NEGR1: variants seen among roughly 807,000 people sequenced by gnomAD.
The protein encoded by NEGR1 is IgLON family member 4.
Under a neutral mutation model 40.9 loss-of-function variants are expected in NEGR1, and 10 were observed. The observed-to-expected ratio is 0.24, with a 90% CI of 0.15 to 0.42. The LOEUF (loss-of-function observed/expected upper bound fraction) is 0.42. NEGR1 is among the 10% of genes least tolerant of loss of function. The pLI, the probability that NEGR1 is intolerant of heterozygous loss-of-function variation, is 1.00. For missense variants in NEGR1, 352 were observed against 438.9 expected, an observed-to-expected ratio of 0.80 and a Z score of 1.77; for synonymous variants, 185 against 166.8, an observed-to-expected ratio of 1.11 and a Z score of -0.84.
chr1:72,024,157 G>A (rs1646786304), intron 1 of NEGR1, among the ~76,000 whole-genome samples: 2 of 151,968 alleles, frequency 1.3e-5, no homozygotes, highest in Non-Finnish European at 2.9e-5. Flanking sequence ...CTCACACATA[G>A]CCAGCTGGCT....
intron 2 of NEGR1, among the ~76,000 whole-genome samples, chr1:71,863,183 G>C (rs752858352): frequency 6.6e-6 from 1 of 152,078 alleles, no homozygotes; most frequent in African/African-American, 2.4e-5. Flanking sequence ...CAACAGCAAA[G>C]ACATGGAATC....
intron 1 of NEGR1, among the ~76,000 whole-genome samples, chr1:72,087,450 A>G (rs933609922): frequency 6.6e-6 from 1 of 151,198 alleles, no homozygotes; most frequent in South Asian, 2.1e-4. Flanking sequence ...ATATATATAT[A>G]TATATTATTA....
intron 1 of NEGR1, chr1:72,274,701 C>A: frequency 1.0e-6 from 1 of 1,000,624 alleles, no homozygotes; most frequent in Non-Finnish European, 1.6e-6. Context: ...TTGAAGAAAT[C>A]ATTGTGCAGA....
chr1:72,038,582 C>A (rs145718960), intron 1 of NEGR1, among the ~76,000 whole-genome samples: 47 of 152,078 alleles, frequency 3.1e-4, no homozygotes, highest in African/African-American at 1.1e-3. Flanking sequence ...GTTCTAAAAA[C>A]ATCAGCGTAC....
chr1:71,738,889 G>GA (rs943722365), intron 3 of NEGR1, among the ~76,000 whole-genome samples: 14 of 151,868 alleles, frequency 9.2e-5, no homozygotes, highest in East Asian at 1.9e-4. Context: ...TAAAGAAAGA[G>GA]AAAAAAAATT....
At chr1:71,876,518 A>G (rs1242113945) in intron 2 of NEGR1, among the ~76,000 whole-genome samples, 1 of 151,552 alleles carries the variant, frequency 6.6e-6, no homozygotes, top group African/African-American at 2.4e-5. Context: ...AAAGAAAGGA[A>G]GAAAGAAGAG....
intron 1 of NEGR1, among the ~76,000 whole-genome samples, chr1:72,199,283 T>C (rs1050543699): frequency 6.6e-6 from 1 of 151,916 alleles, no homozygotes; most frequent in Admixed American, 6.6e-5. Context: ...GCCATGCACA[T>C]TGCTGTGCCA....
chr1:71,912,658 A>G (rs1661449398), intron 2 of NEGR1, among the ~76,000 whole-genome samples: 1 of 152,152 alleles, frequency 6.6e-6, no homozygotes, highest in Non-Finnish European at 1.5e-5. Context: ...AGTCCCTTTT[A>G]TTGCAGATCA....
chr1:71,603,709 C>G (rs1371587327), intron 5 of NEGR1, among the ~76,000 whole-genome samples: 1 of 151,990 alleles, frequency 6.6e-6, no homozygotes, highest in Non-Finnish European at 1.5e-5. Flanking sequence ...AAATAAATGA[C>G]TAGTTGGAGT....
At chr1:72,038,985 A>C (rs1646928954) in intron 1 of NEGR1, among the ~76,000 whole-genome samples, 1 of 151,964 alleles carries the variant, frequency 6.6e-6, no homozygotes, top group African/African-American at 2.4e-5. Flanking sequence ...GAAAAAGAAA[A>C]TTTCGCAGAA....
chr1:71,445,634 G>T (rs1048631985), intron 6 of NEGR1, among the ~76,000 whole-genome samples: 6 of 152,136 alleles, frequency 3.9e-5, no homozygotes, highest in Admixed American at 2.6e-4. Context: ...GCAGACACCT[G>T]AGAGGAAATC....
At chr1:71,869,619 C>A (rs1660219493) in intron 2 of NEGR1, among the ~76,000 whole-genome samples, 2 of 151,956 alleles carry the variant, frequency 1.3e-5, no homozygotes, top group East Asian at 3.9e-4. Context: ...GAAAAAGTAG[C>A]TAAACAGAGT....
At chr1:72,109,515 T>C (rs1390082053) in intron 1 of NEGR1, among the ~76,000 whole-genome samples, 1 of 151,724 alleles carries the variant, frequency 6.6e-6, no homozygotes, top group Admixed American at 6.6e-5. Flanking sequence ...TTCTATGGTA[T>C]CTTTTGAGAC....
chr1:72,122,987 G>T lies in NEGR1; in HGVS notation c.176+159332C>A, dbSNP rs567401573. ...AAATAATGGGATATATTGAGAACAT[G>T]TAACATTCCTGGAATACCCTTTTAA... On this transcript the variant is annotated intron_variant, in intron 1 of 6. Coordinates refer to ENST00000357731, the MANE Select transcript of NEGR1 (RefSeq NM_173808.3). Among the ~76,000 whole-genome samples, 27 of 151,994 alleles carry T rather than the reference G, an allele frequency of 1.8e-4. 1 individual carries two copies. In the South Asian group the frequency reaches 5.6e-3, roughly 31 times the overall value.
chr1:71,826,970 A>G (rs1658648329), intron 2 of NEGR1, among the ~76,000 whole-genome samples: 1 of 151,830 alleles, frequency 6.6e-6, no homozygotes, highest in Non-Finnish European at 1.5e-5. Context: ...CTAGTGAAGA[A>G]AGGTGAAAAC....
chr1:71,520,880 A>G (rs1007750411), intron 6 of NEGR1, among the ~76,000 whole-genome samples: 1 of 152,058 alleles, frequency 6.6e-6, no homozygotes, highest in Non-Finnish European at 1.5e-5. Flanking sequence ...TTTACTTGCC[A>G]CCAAATGCCT....
chr1:72,185,787 T>C (rs976472307), intron 1 of NEGR1, among the ~76,000 whole-genome samples: 2 of 151,780 alleles, frequency 1.3e-5, no homozygotes, highest in African/African-American at 2.4e-5. Context: ...CTATAACAAA[T>C]GTAGAGGTGC....
chr1:71,978,727 A>G lies in NEGR1; in HGVS notation c.177-43416T>C, dbSNP rs115382379. 5.2e-3 allele frequency among the ~76,000 whole-genome samples: 791 copies of G among 152,328 alleles called. 9 individuals are homozygous for G. The highest frequency in any genetic ancestry group is 0.018 in the African/African-American group (754 of 41,578). On this transcript the variant is annotated intron_variant, in intron 1 of 6. Transcript: ENST00000357731. ...ATAACATGCTAGCAAGGTTGCAGAG[A>G]AAAGGAAACACTCATACACTCTTGG...
intron 1 of NEGR1, among the ~76,000 whole-genome samples, chr1:72,262,129 G>C (rs1174080028): frequency 6.6e-6 from 1 of 152,008 alleles, no homozygotes; most frequent in East Asian, 1.9e-4. Flanking sequence ...TTGGATAACT[G>C]GGTGGCAGGG....
Sources: allele counts gnomAD v4.1 joint callset (sites outside exome capture counted in the v4.1 genomes callset), GRCh38; gene constraint gnomAD v4.1.1; transcripts MANE v1.5; gene names NCBI Gene and HGNC (gene_info 2026-07-23, HGNC 2026-07-21).